Variants in CXADR observed in about 807,000 individuals in gnomAD.
The protein encoded by CXADR is CXADR cell adhesion molecule.
In CXADR, 20 loss-of-function variants were observed where a neutral mutation model predicts 40.3. That is an observed-to-expected ratio of 0.50 (90% CI 0.35 to 0.72). CXADR has a LOEUF of 0.72. Among genes scored for constraint, CXADR ranks in the 30% least tolerant of loss-of-function variants. The pLI is 0.01. For synonymous variants in CXADR, 150 were observed against 161.3 expected, an observed-to-expected ratio of 0.93 and a Z score of 0.53; for missense variants, 332 against 449.1, an observed-to-expected ratio of 0.74 and a Z score of 2.36.
intron 2 of CXADR, among the ~76,000 whole-genome samples, chr21:17,549,748 A>T (rs925023089): frequency 5.3e-5 from 8 of 152,238 alleles, no homozygotes; most frequent in Non-Finnish European, 1.2e-4. Flanking sequence ...TTAAAGGACT[A>T]CTAAGGTGTG....
intron 3 of CXADR, among the ~76,000 whole-genome samples, chr21:17,552,441 A>T (rs528692406): frequency 2.6e-5 from 4 of 152,220 alleles, no homozygotes; most frequent in African/African-American, 4.8e-5. Flanking sequence ...AGGAGATGAG[A>T]CATTCACTGA....
chr21:17,595,789 G>C (rs1035397643), downstream of CXADR, among the ~76,000 whole-genome samples: 6 of 151,912 alleles, frequency 3.9e-5, no homozygotes, highest in Admixed American at 3.3e-4. Flanking sequence ...GTTTCTTTTG[G>C]TAAATATTTA....
intron 2 of CXADR, among the ~76,000 whole-genome samples, chr21:17,551,376 GAC>G (rs2060965839): frequency 6.6e-6 from 1 of 152,048 alleles, no homozygotes; most frequent in Admixed American, 6.5e-5. Flanking sequence ...CTGGGCCACA[GAC>G]ACAGACTCCA....
intron 3 of CXADR, among the ~76,000 whole-genome samples, chr21:17,552,619 T>C (rs1021303377): frequency 2.0e-5 from 3 of 152,216 alleles, no homozygotes; most frequent in African/African-American, 7.2e-5. Flanking sequence ...TTCATAAATA[T>C]ACTTCTAAAA....
chr21:17,544,212 T>C (rs2060865503), intron 1 of CXADR, among the ~76,000 whole-genome samples: 1 of 152,112 alleles, frequency 6.6e-6, no homozygotes, highest in Non-Finnish European at 1.5e-5. Flanking sequence ...ATGAATGAGA[T>C]AGGAATGGAA....
At chr21:17,577,612 C>CTGTTTTTTTTTT in intron 7 of CXADR, among the ~76,000 whole-genome samples, 1 of 36,562 alleles carries the variant, frequency 2.7e-5, no homozygotes, top group Non-Finnish European at 5.3e-5. Context: ...ATTCTGCAAG[C>CTGTTTTTTTTTT]TTTTTTTTTT....
At chr21:17,551,646 AG>A (rs2060970404) in intron 2 of CXADR, 102 bp from the exon 3 acceptor site, 1 of 908,836 alleles carries the variant, frequency 1.1e-6, no homozygotes, top group African/African-American at 1.7e-5. Flanking sequence ...CTTTTCTGGG[AG>A]GGGGCGTTCT....
Position 17,565,636 on chromosome 21 carries a change from A to G in CXADR, c.1042A>G (p.Met348Val), listed in dbSNP as rs747300612. ...GGTAGCTGCCCCTAATCTAAGTCGAATGGGTGCGATTCCTGTGATGATTCC... is the reference window on the plus strand; with the variant it reads ...GGTAGCTGCCCCTAATCTAAGTCGAGTGGGTGCGATTCCTGTGATGATTCC... The part of the protein sequence containing the change: ...AKVAAPNLSR[M>V]GAIPVMIPAQ... Residue 348 changes from methionine to valine, a missense_variant, in exon 7 of 7, where the codon ATG becomes GTG. Physicochemically the swap from Met to Val is conservative, Grantham distance 21 (BLOSUM62 1). Coordinates refer to ENST00000284878, the MANE Select transcript of CXADR (RefSeq NM_001338.5). The G allele has an allele frequency of 1.2e-6, 2 of 1,612,144 alleles. No homozygotes were observed. Among genetic ancestry groups the G allele is most frequent in the Admixed American group, 1.7e-5 (1 of 60,008 alleles).
rs778139286 is a variant in CXADR at position 17,566,917 on chromosome 21, G to C, written c.*1225G>C. 1.0e-6 allele frequency: 1 copy of C among 979,132 alleles called. No homozygotes were observed. Among genetic ancestry groups the C allele is most frequent in the Non-Finnish European group, 1.2e-6 (1 of 827,006 alleles). The allele number at this position is 979,132 out of a possible 1,614,324, so 60.7% of individuals were successfully genotyped here. ...ATCAAGCTGAGCTTTGAAAAAGTTT[G>C]TCTTAGTTTTGTGAAGGTGATTTAT... is the stretch of plus-strand genomic sequence containing the variant. On this transcript the variant is annotated 3_prime_UTR_variant, in exon 7 of 7. Transcript: ENST00000284878.
chr21:17,585,357 A>G (rs535047738), intron 7 of CXADR, among the ~76,000 whole-genome samples: 13 of 152,330 alleles, frequency 8.5e-5, no homozygotes, highest in African/African-American at 2.9e-4. Flanking sequence ...ACAATGGCGT[A>G]AGAAAACATT....
intron 3 of CXADR, among the ~76,000 whole-genome samples, chr21:17,556,205 GT>G (rs2061033319): frequency 6.6e-6 from 1 of 152,184 alleles, no homozygotes; most frequent in Non-Finnish European, 1.5e-5. Flanking sequence ...TCTCTTTGTG[GT>G]TTTCTTCTGT....
chr21:17,634,931 T>G, the CXADR span, among the ~76,000 whole-genome samples: 1 of 152,168 alleles, frequency 6.6e-6, no homozygotes, highest in Non-Finnish European at 1.5e-5. Context: ...TAATGCCTTC[T>G]TTACTGATCC....
intron 1 of CXADR, among the ~76,000 whole-genome samples, chr21:17,531,197 G>A (rs947687944): frequency 1.3e-5 from 2 of 152,168 alleles, no homozygotes; most frequent in African/African-American, 2.4e-5. Flanking sequence ...TATTCAGGAG[G>A]CTGAGGCAGG....
chr21:17,518,424 T>A (rs1413256664), intron 1 of CXADR: 1 of 638,152 alleles, frequency 1.6e-6, no homozygotes, highest in African/African-American at 1.8e-5. Flanking sequence ...ATATTTATAT[T>A]AGTGAACTAG....
chr21:17,526,465 G>C (rs1273166063), intron 1 of CXADR, among the ~76,000 whole-genome samples: 2 of 152,082 alleles, frequency 1.3e-5, no homozygotes, highest in African/African-American at 2.4e-5. Context: ...TGAGTATAAA[G>C]CAGAAAAGTA....
At chr21:17,542,741 A>G (rs73308229) in intron 1 of CXADR, among the ~76,000 whole-genome samples, 4,500 of 152,314 alleles carry the variant, frequency 0.03, 235 homozygotes, top group African/African-American at 0.1. Flanking sequence ...AAATTGTAAG[A>G]AGATCTGATA....
intron 7 of CXADR, among the ~76,000 whole-genome samples, chr21:17,584,652 A>G (rs1049932762): frequency 6.6e-6 from 1 of 152,204 alleles, no homozygotes; most frequent in African/African-American, 2.4e-5. Flanking sequence ...CAACATAGTG[A>G]AACCCTGTCT....
intron 7 of CXADR, among the ~76,000 whole-genome samples, chr21:17,589,466 T>C (rs2123402223): frequency 6.6e-6 from 1 of 152,206 alleles, no homozygotes; most frequent in African/African-American, 2.4e-5. Context: ...GATCAAAATG[T>C]TGAAAGTAGA....
downstream of CXADR, among the ~76,000 whole-genome samples, chr21:17,597,735 A>T (rs2061522677): frequency 8.3e-3 from 2 of 240 alleles, no homozygotes. Context: ...TGAGAAAAAA[A>T]TGAGAAAACC....
Sources: gnomAD v4.1 joint callset for allele counts (sites outside exome capture counted in the v4.1 genomes callset) on GRCh38, gnomAD v4.1.1 for gene constraint, MANE v1.5 for transcripts, NCBI Gene and HGNC (gene_info 2026-07-23, HGNC 2026-07-21) for gene names.